The following FRA10AC1 variants were observed in gnomAD, a reference collection of about 807,000 sequenced individuals.
FRA10AC1 encodes the protein FRA10A associated CGG repeat 1.
FRA10AC1 carries 43 observed loss-of-function variants against 56.5 expected under a neutral mutation model. That is an observed-to-expected ratio of 0.76 (90% CI 0.60 to 0.98). FRA10AC1 has a LOEUF of 0.98. Among genes scored for constraint, FRA10AC1 ranks in the 50% least tolerant of loss-of-function variants. The pLI, the probability that FRA10AC1 is intolerant of heterozygous loss-of-function variation, is 0.00. For missense variants in FRA10AC1, 346 were observed against 351.8 expected (o/e 0.98, Z 0.13); for synonymous variants, 112 against 110.5 (o/e 1.01, Z -0.09).
chr10:93,679,973 C>G (rs1292959118), intron 11 of FRA10AC1, among the ~76,000 whole-genome samples: 1 of 152,120 alleles, frequency 6.6e-6, no homozygotes, highest in Admixed American at 6.6e-5. Context: ...TTTAGGTCAA[C>G]ATAGGTGTCA....
chr10:93,698,088 T>G (rs1458559695), intron 4 of FRA10AC1, 48 bp downstream of exon 4: 1 of 1,104,766 alleles, frequency 9.1e-7, no homozygotes, highest in Non-Finnish European at 1.3e-6. Flanking sequence ...AAAGCAGATT[T>G]TAAAATATTC....
rs2059143996 is a variant in FRA10AC1, at chr10:93,692,634, A to G, written c.380+12T>C. On this transcript the variant is annotated intron_variant, in intron 6 of 13. Coordinates refer to ENST00000359204, the MANE Select transcript of FRA10AC1 (RefSeq NM_145246.5). ...AAGCATTTGATGCATTACGCCTCTG[A>G]TGGCTAATTACCAAGTCATGTCCAT... The G allele has an allele frequency of 6.4e-7, 1 of 1,552,176 alleles. No homozygotes were observed. Among genetic ancestry groups the G allele is most frequent in the Admixed American group, 1.8e-5 (1 of 54,606 alleles).
At chr10:93,701,117 A>G (rs542352307) in intron 1 of FRA10AC1, among the ~76,000 whole-genome samples, 1 of 152,174 alleles carries the variant, frequency 6.6e-6, no homozygotes, top group Non-Finnish European at 1.5e-5. Context: ...ACTTCATTTT[A>G]GAACTGAAAT....
intron 12 of FRA10AC1, among the ~76,000 whole-genome samples, chr10:93,676,374 C>T (rs1303965312): frequency 6.6e-6 from 1 of 152,080 alleles, no homozygotes; most frequent in Non-Finnish European, 1.5e-5. Flanking sequence ...ATCTTTCTTC[C>T]TTCACATTTT....
intron 12 of FRA10AC1, chr10:93,673,511 G>C: frequency 2.7e-6 from 1 of 371,556 alleles, no homozygotes; most frequent in South Asian, 2.1e-5. Flanking sequence ...AATAATGAAA[G>C]TAGGTCTATC....
intron 4 of FRA10AC1, among the ~76,000 whole-genome samples, chr10:93,697,575 A>T (rs1209597345): frequency 6.6e-6 from 1 of 152,208 alleles, no homozygotes. Context: ...CAGTCTTATT[A>T]AAAAACTGAG....
intron 1 of FRA10AC1, among the ~76,000 whole-genome samples, chr10:93,700,622 G>A (rs149613309): frequency 1.3e-5 from 2 of 152,084 alleles, no homozygotes; most frequent in African/African-American, 2.4e-5. Flanking sequence ...TGATTCCTGC[G>A]CCCACAATTT....
rs1035904610 is a variant in FRA10AC1, at chr10:93,702,505, G to C, written c.-131C>G. ...CAGGTCCCGTGCGCCCTGCCGCACA[G>C]CCTCGCCACAACCACCACCGCCGCC... On this transcript the variant is annotated 5_prime_UTR_variant, in exon 1 of 14. Coordinates refer to ENST00000359204, the MANE Select transcript of FRA10AC1 (RefSeq NM_145246.5). 3.9e-4 allele frequency: 74 copies of C among 191,726 alleles called. No homozygotes were observed. The highest frequency in any genetic ancestry group is 3.4e-4 in the Non-Finnish European group (34 of 100,756). The allele number at this position is 191,726 out of a possible 1,614,324, so 11.9% of individuals were successfully genotyped here.
At chr10:93,685,163 C>A in intron 9 of FRA10AC1, 83 bp downstream of exon 9, 1 of 699,854 alleles carries the variant, frequency 1.4e-6, no homozygotes, top group Non-Finnish European at 2.5e-6. Flanking sequence ...TTAAAAATTG[C>A]ATTTGAATTT....
chr10:93,673,280 T>G, intron 12 of FRA10AC1: 1 of 455,790 alleles, frequency 2.2e-6, no homozygotes, highest in Non-Finnish European at 4.4e-6. Context: ...CTTGCAAATA[T>G]CCATACAGTA....
chr10:93,680,141 TTC>T (rs1173468929), intron 11 of FRA10AC1, among the ~76,000 whole-genome samples: 1 of 152,184 alleles, frequency 6.6e-6, no homozygotes, highest in East Asian at 1.9e-4. Context: ...TAGAGACTAG[TTC>T]TTTCATTTGG....
At chr10:93,679,406 G>A (rs955972086) in intron 11 of FRA10AC1, among the ~76,000 whole-genome samples, 2 of 152,098 alleles carry the variant, frequency 1.3e-5, no homozygotes, top group South Asian at 4.1e-4. Flanking sequence ...ACAAATGAGA[G>A]TCCTAATTTA....
In FRA10AC1 at chr10:93,692,660, T is replaced by G; in HGVS notation, c.366A>C (p.Glu122Asp). 6.3e-7 allele frequency: 1 copy of G among 1,595,724 alleles called. No individual in the cohort carries two copies. The highest frequency in any genetic ancestry group is 1.3e-5 in the African/African-American group (1 of 74,092). The change falls in exon 6 of 14, where the codon GAA becomes GAC. Residue 122 changes from glutamate to aspartate, a missense_variant. Glu to Asp is a conservative substitution (Grantham distance 45). Coordinates refer to ENST00000359204, the MANE Select transcript of FRA10AC1 (RefSeq NM_145246.5). ...NHRFLWNEED[E>D]MDMTWEKRLA... Reference sequence around the variant, plus strand: ...TGGCTAATTACCAAGTCATGTCCATTTCGTCCTCCTCATTCCATAGGAATC... The same window carrying G: ...TGGCTAATTACCAAGTCATGTCCATGTCGTCCTCCTCATTCCATAGGAATC...
intron 5 of FRA10AC1, among the ~76,000 whole-genome samples, chr10:93,694,508 G>A (rs753744466): frequency 1.3e-4 from 20 of 152,006 alleles, no homozygotes; most frequent in Non-Finnish European, 2.9e-4. Context: ...AAGGTCACGA[G>A]TTCAAGACCA....
chr10:93,700,263 T>C (rs2059308616), intron 1 of FRA10AC1, among the ~76,000 whole-genome samples, 157 bp from the exon 2 acceptor site: 1 of 152,224 alleles, frequency 6.6e-6, no homozygotes, highest in African/African-American at 2.4e-5. Flanking sequence ...TCTAAAACTT[T>C]CATTCGCTTT....
chr10:93,674,170 A>G (rs2058808344), intron 12 of FRA10AC1: 1 of 152,160 alleles, frequency 6.6e-6, no homozygotes, highest in Non-Finnish European at 1.5e-5. Flanking sequence ...GAGTTTCTTC[A>G]TTCATTTAAA....
chr10:93,694,699 G>A (rs1233774006), intron 5 of FRA10AC1, among the ~76,000 whole-genome samples, 162 bp downstream of exon 5: 1 of 128,954 alleles, frequency 7.8e-6, no homozygotes, highest in African/African-American at 3.1e-5. Flanking sequence ...GGGCGACAGA[G>A]TGAGACTCCA....
chr10:93,669,606 T>C lies in FRA10AC1; in HGVS notation c.*220A>G, dbSNP rs1435100439. On this transcript the variant is annotated 3_prime_UTR_variant, in exon 14 of 14. Coordinates refer to ENST00000359204, the MANE Select transcript of FRA10AC1 (RefSeq NM_145246.5). ...GCTACAAATAAAACAGAATTGTAGATAAGCAATTGAAAAGATATTTAAAGG... is the reference window on the plus strand; with the variant it reads ...GCTACAAATAAAACAGAATTGTAGACAAGCAATTGAAAAGATATTTAAAGG... 5.8e-6 allele frequency: 3 copies of C among 520,786 alleles called. No homozygotes were observed. The highest frequency in any genetic ancestry group is 6.7e-5 in the East Asian group (2 of 29,928). The allele number at this position is 520,786 out of a possible 1,614,324, so 32.3% of individuals were successfully genotyped here.
intron 6 of FRA10AC1, 131 bp downstream of exon 6, chr10:93,692,515 G>T: frequency 1.6e-6 from 1 of 619,312 alleles, no homozygotes. Context: ...AATAATCCTA[G>T]GCTTGATTTT....
Sources: gnomAD v4.1 joint callset for allele counts (sites outside exome capture counted in the v4.1 genomes callset) on GRCh38, gnomAD v4.1.1 for gene constraint, MANE v1.5 for transcripts, NCBI Gene and HGNC (gene_info 2026-07-23, HGNC 2026-07-21) for gene names.